Variants in CYP4F3 observed in about 807,000 individuals in gnomAD.
The protein encoded by CYP4F3 is cytochrome P450 4F3.
CYP4F3 carries 50 observed loss-of-function variants against 54.8 expected under a neutral mutation model. The ratio of observed to expected loss-of-function variants is 0.91; its 90% CI spans 0.73 to 1.16. The LOEUF (loss-of-function observed/expected upper bound fraction) is 1.16. Ranked by LOEUF, CYP4F3 falls within the 50% of genes most tolerant of loss-of-function variation. The pLI is 0.00. For synonymous variants in CYP4F3, 244 were observed against 262.6 expected (o/e 0.93, Z 0.69); for missense variants, 715 against 676.2 (o/e 1.06, Z -0.64).
chr19:15,655,717 A>G (rs1167177187), intron 9 of CYP4F3, among the ~76,000 whole-genome samples: 1 of 152,190 alleles, frequency 6.6e-6, no homozygotes, highest in East Asian at 1.9e-4. Flanking sequence ...TCTGCATATT[A>G]TCTCTGAGAT....
At chr19:15,641,145 A>G (rs928971951) in intron 1 of CYP4F3, 200 bp downstream of exon 1, 8 of 448,504 alleles carry the variant, frequency 1.8e-5, no homozygotes, top group African/African-American at 5.9e-5. Flanking sequence ...GCAACGTCCT[A>G]ATGATTCAGG....
At chr19:15,648,576 C>A (rs747225083) in intron 5 of CYP4F3, among the ~76,000 whole-genome samples, 13 of 152,230 alleles carry the variant, frequency 8.5e-5, no homozygotes, top group Middle Eastern at 3.4e-3. Context: ...TTTTTATAAT[C>A]AATTTATAAC....
At chr19:15,653,640 C>G (rs781780660) in intron 9 of CYP4F3, among the ~76,000 whole-genome samples, 1 of 151,442 alleles carries the variant, frequency 6.6e-6, no homozygotes, top group African/African-American at 2.4e-5. Flanking sequence ...CAGTTGAAAG[C>G]CTGAATAATG....
At position 15,659,386 on chromosome 19, in the gene CYP4F3, G is replaced by A. The variant is rs1385190278; in HGVS notation, c.*1G>A. The A allele has an allele frequency of 6.2e-7, 1 of 1,610,398 alleles. No individual in the cohort carries two copies. Among genetic ancestry groups the A allele is most frequent in the Non-Finnish European group, 8.5e-7 (1 of 1,178,230 alleles). ...GCTGCGGGTGGAGCCCCTGAGCTGAGTTCTGCAGAGACCCACTCTGACCCC... is the reference window on the plus strand; with the variant it reads ...GCTGCGGGTGGAGCCCCTGAGCTGAATTCTGCAGAGACCCACTCTGACCCC... On this transcript the variant is annotated 3_prime_UTR_variant, in exon 13 of 13. Transcript: ENST00000221307.
At chr19:15,642,413 G>A (rs989239978) in intron 2 of CYP4F3, among the ~76,000 whole-genome samples, 1 of 152,158 alleles carries the variant, frequency 6.6e-6, no homozygotes, top group Non-Finnish European at 1.5e-5. Flanking sequence ...AGAAGGGAAG[G>A]TCCCCTGTGT....
At position 15,642,899 on chromosome 19, in the gene CYP4F3, T is replaced by C. The variant is rs1972506307; in HGVS notation, c.198+1286T>C. 2.0e-5 allele frequency among the ~76,000 whole-genome samples: 3 copies of C among 151,436 alleles called. No individual in the cohort carries two copies. The South Asian group carries it at 6.2e-4, about 32-fold the overall frequency. On this transcript the variant is annotated intron_variant, in intron 2 of 12. Coordinates refer to ENST00000221307, the MANE Select transcript of CYP4F3 (RefSeq NM_000896.3). The stretch of plus-strand genomic sequence containing the variant: ...TGCATGGATAAGATGGATGGATGGA[T>C]GGATGGATGGATGGATGGATGGATA...
intron 3 of CYP4F3, among the ~76,000 whole-genome samples, chr19:15,646,476 G>A (rs544759651): frequency 1.5e-4 from 23 of 152,154 alleles, no homozygotes; most frequent in African/African-American, 5.1e-4. Context: ...TGTCTGGGTC[G>A]TTAAAGGTAC....
chr19:15,657,623 G>A (rs1206085619), intron 9 of CYP4F3, among the ~76,000 whole-genome samples: 1 of 151,486 alleles, frequency 6.6e-6, no homozygotes, highest in Non-Finnish European at 1.5e-5. Context: ...GAGTTTTATG[G>A]CACAAACTTT....
intron 3 of CYP4F3, 47 bp downstream of exon 3, chr19:15,645,910 C>A: frequency 1.3e-6 from 2 of 1,526,758 alleles, no homozygotes; most frequent in Non-Finnish European, 1.8e-6. Context: ...ACTGGCCACG[C>A]CTTGCCCACA....
At chr19:15,653,612 G>T (rs1021586415) in intron 9 of CYP4F3, among the ~76,000 whole-genome samples, 2 of 152,086 alleles carry the variant, frequency 1.3e-5, no homozygotes, top group Non-Finnish European at 2.9e-5. Context: ...CAGGACTAGG[G>T]GGGTATAGAA....
In CYP4F3 at chr19:15,662,725, T is replaced by G. The variant is rs192091943; in HGVS notation, c.*3340T>G. ...TTGAATTTCTTTTATCATTGTTTTG[T>G]AGTTTTCACCATGACAGTCTTGCAC... On this transcript the variant is annotated 3_prime_UTR_variant, in exon 13 of 13. Transcript: ENST00000221307. 3 of 152,352 alleles carry G rather than the reference T, an allele frequency of 2.0e-5. No homozygotes were observed. In the East Asian group the frequency reaches 5.8e-4, roughly 29 times the overall value. 9.4% of individuals were successfully genotyped at this position (152,352 alleles called of 1,614,324 possible).
chr19:15,656,314 A>G (rs954094424), intron 9 of CYP4F3, among the ~76,000 whole-genome samples: 17 of 152,206 alleles, frequency 1.1e-4, no homozygotes, highest in Admixed American at 1.1e-3. Context: ...ACCACATGGA[A>G]AAACAACATT....
At position 15,658,359 on chromosome 19, in the gene CYP4F3, A is replaced by C; in HGVS notation, c.1211A>C (p.Gln404Pro). The C allele has an allele frequency of 6.2e-7, 1 of 1,614,040 alleles. No individual in the cohort carries two copies. The highest frequency in any genetic ancestry group is 8.5e-7 in the Non-Finnish European group (1 of 1,180,006). ...CCTGCCGTCTCTCGCTGCTGCACCC[A>C]AGACATTGTGCTCCCAGACGGCCGG... ...PVPAVSRCCT[Q>P]DIVLPDGRVI... Residue 404 changes from glutamine (Q) to proline (P), a missense_variant, in exon 10 of 13, where the codon CAA (glutamine) becomes CCA (proline). Coordinates refer to ENST00000221307, the MANE Select transcript of CYP4F3 (RefSeq NM_000896.3).
intron 8 of CYP4F3, 24 bp from the exon 9 acceptor site, chr19:15,652,799 C>G: frequency 1.2e-6 from 2 of 1,605,980 alleles, no homozygotes; most frequent in East Asian, 4.5e-5. Flanking sequence ...CCCAGAGACC[C>G]AAGCCTGCCT....
chr19:15,643,798 A>G, intron 2 of CYP4F3: 2 of 1,316,494 alleles, frequency 1.5e-6, no homozygotes, highest in African/African-American at 1.5e-5. Flanking sequence ...TCTCTTCTGG[A>G]AACACCCTCA....
rs576549287 is a variant in CYP4F3, at chr19:15,659,101, C to G, written c.1398-119C>G. The G allele has an allele frequency of 4.1e-3, 5,712 of 1,392,204 alleles. 21 individuals are homozygous for G. The highest frequency in any genetic ancestry group is 5.0e-3 in the Non-Finnish European group (5,212 of 1,033,862). The allele number at this position is 1,392,204 out of a possible 1,614,324, so 86.2% of individuals were successfully genotyped here. A position where few individuals can be genotyped will look rare whatever the true frequency, so the allele number is the denominator to read the frequency against. ...CATGGGGATCCAGGCACGGATACCC[C>G]CTTCTCTGTTCCTCAAACTGCTCTA... On this transcript the variant is annotated intron_variant, in intron 12 of 12. Coordinates refer to ENST00000221307, the MANE Select transcript of CYP4F3 (RefSeq NM_000896.3).
At position 15,660,212 on chromosome 19, in the gene CYP4F3, AG is replaced by A. The variant is rs1050387235; in HGVS notation, c.*829del. On this transcript the variant is annotated 3_prime_UTR_variant, in exon 13 of 13. Transcript: ENST00000221307. Reference sequence around the variant, plus strand: ...ATGTAATTTTAGAAAATAATTTAAAAGGTTTTGTTTCAGTTTGTAAGATTTC... The same window carrying A: ...ATGTAATTTTAGAAAATAATTTAAAAGTTTTGTTTCAGTTTGTAAGATTTC... The A allele has an allele frequency of 1.5e-5, 2 of 133,456 alleles. No individual in the cohort carries two copies. Among genetic ancestry groups the A allele is most frequent in the African/African-American group, 6.3e-5 (2 of 31,620 alleles). 8.3% of individuals were successfully genotyped at this position (133,456 alleles called of 1,614,324 possible). A position where few individuals can be genotyped will look rare whatever the true frequency, so the allele number is the denominator to read the frequency against.
intron 6 of CYP4F3, among the ~76,000 whole-genome samples, chr19:15,649,558 A>G (rs1972726720): frequency 6.6e-6 from 1 of 152,158 alleles, no homozygotes; most frequent in South Asian, 2.1e-4. Context: ...CTAGGGTGGA[A>G]GCTGGACCAT....
At chr19:15,650,465 T>C (rs553751602) in intron 7 of CYP4F3, among the ~76,000 whole-genome samples, 2 of 152,324 alleles carry the variant, frequency 1.3e-5, no homozygotes, top group East Asian at 3.9e-4. Flanking sequence ...TATACCTATG[T>C]CTGGGTCTAT....
Sources: allele counts gnomAD v4.1 joint callset (sites outside exome capture counted in the v4.1 genomes callset), GRCh38; gene constraint gnomAD v4.1.1; transcripts MANE v1.5; gene names NCBI Gene and HGNC (gene_info 2026-07-23, HGNC 2026-07-21).